The following CHFR variants were observed in gnomAD, a reference collection of about 807,000 sequenced individuals.
CHFR encodes the protein checkpoint with forkhead and ring finger domains.
CHFR carries 57 observed loss-of-function variants against 87.6 expected under a neutral mutation model. The ratio of observed to expected loss-of-function variants is 0.65; its 90% confidence interval spans 0.53 to 0.81. CHFR has a LOEUF of 0.81. Ranked by LOEUF, CHFR falls within the 30% of genes least tolerant of loss-of-function variation. The pLI, the probability that CHFR is intolerant of heterozygous loss-of-function variation, is 0.00. For missense variants in CHFR, 797 were observed against 865.8 expected, an observed-to-expected ratio of 0.92 and a Z score of 1.00; for synonymous variants, 381 against 359.2, an observed-to-expected ratio of 1.06 and a Z score of -0.69.
intron 6 of CHFR, among the ~76,000 whole-genome samples, chr12:132,865,642 G>A (rs1951316179): frequency 1.3e-5 from 2 of 149,306 alleles, no homozygotes; most frequent in African/African-American, 2.5e-5. Context: ...CAAAGTGCTG[G>A]GATTACAGGT....
chr12:132,861,783 G>T, intron 6 of CHFR, 149 bp from the exon 7 acceptor site: 1 of 667,146 alleles, frequency 1.5e-6, no homozygotes, highest in Non-Finnish European at 2.5e-6. Context: ...AGGAGTGTGT[G>T]CTCACTCAAC....
chr12:132,879,138 G>A (rs147320591), intron 2 of CHFR, among the ~76,000 whole-genome samples: 241 of 151,030 alleles, frequency 1.6e-3, no homozygotes, highest in African/African-American at 5.7e-3. Context: ...CTGAGCAGCT[G>A]GGACTACAGG....
chr12:132,833,899 G>A lies in CHFR; in HGVS notation c.*7655C>T, dbSNP rs1245725439. The A allele has an allele frequency of 2.0e-5, 3 of 152,334 alleles. No individual in the cohort carries two copies. Among genetic ancestry groups the A allele is most frequent in the Non-Finnish European group, 4.4e-5 (3 of 68,120 alleles). The allele number at this position is 152,334 out of a possible 1,614,324, so 9.4% of individuals were successfully genotyped here. A position where few individuals can be genotyped will look rare whatever the true frequency, so the allele number is the denominator to read the frequency against. On this transcript the variant is annotated 3_prime_UTR_variant, in exon 18 of 18. Transcript: ENST00000450056. ...GTCCCAGGAGAGGGAAAGGCAAGGA[G>A]AACGAGTACTCAAAGGCACCTTTGA...
At chr12:132,863,717 C>T (rs1041976866) in intron 6 of CHFR, among the ~76,000 whole-genome samples, 4 of 152,084 alleles carry the variant, frequency 2.6e-5, no homozygotes, top group Non-Finnish European at 5.9e-5. Context: ...AGAGTCATAA[C>T]GACAGGAATG....
In CHFR at chr12:132,872,297, C is replaced by A. The variant is rs1036686943; in HGVS notation, c.331G>T (p.Glu111Ter). 39 of 1,608,856 alleles carry A rather than the reference C, an allele frequency of 2.4e-5. No individual in the cohort carries two copies. The highest frequency in any genetic ancestry group is 3.2e-5 in the Non-Finnish European group (38 of 1,175,208). ...DVIYLVYRKN[E>*]PEHNVAYLYE... ...TCCTCTCTCTTACTGTGTTCCGGTT[C>A]ATTCTTCCTGTACACCAAGTAGATG... Residue 111 changes from glutamate to a stop codon, truncating the protein, a stop_gained, in exon 4 of 18, where the codon GAA becomes TAA. Transcript: ENST00000450056. LOFTEE classifies it high-confidence loss of function.
rs371841032 is a variant in CHFR at position 132,843,015 on chromosome 12, C to G, written c.1912G>C (p.Ala638Pro). 6 of 1,611,574 alleles carry G rather than the reference C, an allele frequency of 3.7e-6. No individual in the cohort carries two copies. Among genetic ancestry groups the G allele is most frequent in the Non-Finnish European group, 5.1e-6 (6 of 1,178,978 alleles). ...NCRTQVKAHH[A>P]MKFNHICEQT... ...TGTGCCCCCAGCTGCACTCACATGG[C>G]GTGGTGAGCTTTCACCTGAGTGCGG... is the stretch of plus-strand genomic sequence containing the variant. Residue 638 changes from alanine (A) to proline (P), a missense_variant, in exon 17 of 18, where the codon GCC (alanine) becomes CCC (proline). Around this residue, in one of 2 missense-constraint regions of CHFR, gnomAD observed 200 missense variants for 264.6 expected, o/e 0.76. Transcript: ENST00000450056.
At position 132,835,889 on chromosome 12, in the gene CHFR, TCA is replaced by T. The variant is rs1451719588; in HGVS notation, c.*5663_*5664del. 7.5e-6 allele frequency: 2 copies of T among 265,272 alleles called. No homozygotes were observed. The highest frequency in any genetic ancestry group is 6.0e-5 in the African/African-American group (2 of 33,460). 16.4% of individuals were successfully genotyped at this position (265,272 alleles called of 1,614,324 possible). ...AGGCTCCCAGCACGGCGCACGGCAC[TCA>T]CAGTGCCAGGCTCCCAGCACGGCGC... On this transcript the variant is annotated 3_prime_UTR_variant, in exon 18 of 18. Transcript: ENST00000450056.
At position 132,832,440 on chromosome 12, in the gene CHFR, T is replaced by C. The variant is rs533152967; in HGVS notation, c.*9114A>G. Reference sequence around the variant, plus strand: ...GGTGAATATAGTTAATAATAATGTATTGTATATTTTTAAATAACAAAAAGA... The same window carrying C: ...GGTGAATATAGTTAATAATAATGTACTGTATATTTTTAAATAACAAAAAGA... On this transcript the variant is annotated 3_prime_UTR_variant, in exon 18 of 18. Transcript: ENST00000450056. The C allele has an allele frequency of 1.3e-5, 2 of 152,332 alleles. No homozygotes were observed. The highest frequency in any genetic ancestry group is 2.1e-4 in the South Asian group (1 of 4,824). 9.4% of individuals were successfully genotyped at this position (152,332 alleles called of 1,614,324 possible).
intron 15 of CHFR, among the ~76,000 whole-genome samples, chr12:132,845,222 G>A (rs189254612): frequency 1.3e-5 from 2 of 152,012 alleles, no homozygotes; most frequent in East Asian, 2.0e-4. Flanking sequence ...TTGGGAGGCC[G>A]AGGCAGGCGG....
intron 14 of CHFR, chr12:132,847,410 A>G: frequency 1.1e-5 from 13 of 1,188,770 alleles, no homozygotes; most frequent in Non-Finnish European, 1.4e-5. Flanking sequence ...TGAATGAGAC[A>G]TGAAAGCCAG....
Position 132,857,465 on chromosome 12 carries a change from G to C in CHFR, c.1006C>G (p.Arg336Gly). 6.2e-7 allele frequency: 1 copy of C among 1,614,128 alleles called. No individual in the cohort carries two copies. Among genetic ancestry groups the C allele is most frequent in the Non-Finnish European group, 8.5e-7 (1 of 1,180,016 alleles). ...TTGAGGATGTGGTTTTTACAGATCC[G>C]CTCCACGGGACAGCGGCAGGTAGGA... is the stretch of plus-strand genomic sequence containing the variant. ...LCPTCRCPVE[R>G]ICKNHILNNL... The change falls in exon 9 of 18, where the codon CGG becomes GGG. Residue 336 changes from arginine (R) to glycine (G), a missense_variant. By Grantham distance (125) the Arg-to-Gly change is moderately radical. This residue lies in a region of CHFR where 597 missense variants were observed against 601.2 expected (regional missense o/e 0.99). Coordinates refer to ENST00000450056, the MANE Select transcript of CHFR (RefSeq NM_001161346.2).
chr12:132,862,278 G>GAA, intron 6 of CHFR: 2 of 246,960 alleles, frequency 8.1e-6, no homozygotes, highest in Admixed American at 5.3e-5. Context: ...TCCCTCTGGG[G>GAA]AAAAAAAAAT....
chr12:132,858,863 A>G (rs12304978), intron 8 of CHFR, among the ~76,000 whole-genome samples: 145,656 of 150,828 alleles, frequency 0.97, 70,550 homozygotes, highest in East Asian at 1. Context: ...AGAACCGCTC[A>G]ATCCTGGGAG....
chr12:132,846,325 T>C (rs948281866), intron 15 of CHFR, among the ~76,000 whole-genome samples: 19 of 149,014 alleles, frequency 1.3e-4, no homozygotes, highest in Admixed American at 4.8e-4. Flanking sequence ...TGCAGTGGCG[T>C]GATTTTGGCT....
At chr12:132,875,862 G>A (rs1203107960) in intron 3 of CHFR, among the ~76,000 whole-genome samples, 5 of 151,970 alleles carry the variant, frequency 3.3e-5, no homozygotes, top group Admixed American at 6.6e-5. Context: ...CATGTGAAGC[G>A]CTCCATAAAA....
intron 3 of CHFR, 39 bp downstream of exon 3, chr12:132,877,516 A>T: frequency 7.2e-7 from 1 of 1,397,832 alleles, no homozygotes; most frequent in Non-Finnish European, 1.0e-6. Context: ...TTCTTAAGCT[A>T]CAAGAAGAAA....
intron 6 of CHFR, among the ~76,000 whole-genome samples, chr12:132,864,353 G>A (rs570346762): frequency 3.3e-4 from 50 of 152,354 alleles, no homozygotes; most frequent in African/African-American, 1.2e-3. Flanking sequence ...GTGGAGAGGA[G>A]CACCATCTTA....
intron 2 of CHFR, among the ~76,000 whole-genome samples, chr12:132,879,000 T>G (rs1236186064): frequency 2.8e-5 from 3 of 107,610 alleles, no homozygotes; most frequent in South Asian, 4.0e-4. Context: ...TTTTTTTTTG[T>G]TTTTGTTTGT....
intron 10 of CHFR, chr12:132,853,850 TCC>T: frequency 4.4e-6 from 2 of 452,810 alleles, no homozygotes; most frequent in Non-Finnish European, 7.8e-6. Flanking sequence ...TGACGTGTGC[TCC>T]CAGGAGACGA....
Sources: gnomAD v4.1 joint callset for allele counts (sites outside exome capture counted in the v4.1 genomes callset) on GRCh38, gnomAD v4.1.1 for gene constraint, gnomAD v4.1.1 regional missense constraint, MANE v1.5 for transcripts, NCBI Gene and HGNC (gene_info 2026-07-23, HGNC 2026-07-21) for gene names.